Variants in FRMD5 observed in about 807,000 individuals in gnomAD.
FRMD5 encodes the protein FERM domain containing 5.
A neutral mutation model predicts 69.0 loss-of-function variants in FRMD5; 20 were observed. The ratio of observed to expected loss-of-function variants is 0.29; its 90% CI spans 0.20 to 0.42. The LOEUF (loss-of-function observed/expected upper bound fraction) is 0.42, where lower values mean the gene tolerates loss of function less well. Ranked by LOEUF, FRMD5 falls within the 10% of genes least tolerant of loss-of-function variation. The pLI is 1.00. For missense variants in FRMD5, 595 were observed against 708.6 expected, an observed-to-expected ratio of 0.84 and a Z score of 1.82; for synonymous variants, 271 against 260.1, an observed-to-expected ratio of 1.04 and a Z score of -0.40.
chr15:43,912,979 G>A (rs988438140), intron 4 of FRMD5, among the ~76,000 whole-genome samples: 6 of 149,376 alleles, frequency 4.0e-5, no homozygotes, highest in African/African-American at 1.2e-4. Flanking sequence ...GTGGCAGTGC[G>A]CCAAGATCGT....
rs1032778072 is a variant in FRMD5, at chr15:43,873,100, G to T, written c.*785C>A. ...AGGTTCTTCGGAAAAAAAAAATCACGTTAAGTCTAGTTTCATTATACAAAA... is the reference window on the plus strand; with the variant it reads ...AGGTTCTTCGGAAAAAAAAAATCACTTTAAGTCTAGTTTCATTATACAAAA... On this transcript the variant is annotated 3_prime_UTR_variant, in exon 14 of 14. Coordinates refer to ENST00000417257, the MANE Select transcript of FRMD5 (RefSeq NM_032892.5). 2.9e-6 allele frequency: 4 copies of T among 1,375,638 alleles called. No homozygotes were observed. The African/African-American group carries it at 4.4e-5, about 15-fold the overall frequency. 85.2% of individuals were successfully genotyped at this position (1,375,638 alleles called of 1,614,324 possible).
intron 1 of FRMD5, 70 bp downstream of exon 1, chr15:44,194,883 G>T: frequency 7.4e-7 from 1 of 1,360,426 alleles, no homozygotes; most frequent in South Asian, 1.3e-5. Context: ...GGCGGCCGCC[G>T]CCGGCCAAGT....
intron 1 of FRMD5, among the ~76,000 whole-genome samples, chr15:43,936,071 A>G (rs1308994346): frequency 6.6e-6 from 1 of 152,190 alleles, no homozygotes; most frequent in Non-Finnish European, 1.5e-5. Context: ...TAACCTTCCC[A>G]TGTTTAATTC....
At chr15:43,973,898 T>C (rs1018527959) in intron 1 of FRMD5, among the ~76,000 whole-genome samples, 2 of 151,212 alleles carry the variant, frequency 1.3e-5, no homozygotes, top group African/African-American at 4.9e-5. Context: ...CTCAATCTTC[T>C]ACTTGTACAG....
At chr15:43,931,018 A>T (rs1413140843) in intron 1 of FRMD5, among the ~76,000 whole-genome samples, 1 of 152,210 alleles carries the variant, frequency 6.6e-6, no homozygotes, top group Non-Finnish European at 1.5e-5. Context: ...TCTTATTGAG[A>T]TATCAGTGGT....
intron 1 of FRMD5, among the ~76,000 whole-genome samples, chr15:44,107,391 C>T (rs561395437): frequency 4.2e-4 from 64 of 152,282 alleles, no homozygotes; most frequent in Middle Eastern, 3.4e-3. Flanking sequence ...AAAGTCTGAA[C>T]GAAACCTTAA....
chr15:44,017,120 C>G (rs548721773), intron 1 of FRMD5, among the ~76,000 whole-genome samples: 2 of 151,852 alleles, frequency 1.3e-5, no homozygotes, highest in Non-Finnish European at 2.9e-5. Flanking sequence ...AGGCAGATCA[C>G]GAGGTCAGGA....
At chr15:44,063,673 A>G in intron 1 of FRMD5, 1 of 410,550 alleles carries the variant, frequency 2.4e-6, no homozygotes, top group Non-Finnish European at 4.7e-6. Context: ...CACCCATAGC[A>G]AGTTCCACAG....
intron 1 of FRMD5, among the ~76,000 whole-genome samples, chr15:44,098,550 G>C (rs1156784011): frequency 6.6e-6 from 1 of 150,600 alleles, no homozygotes; most frequent in African/African-American, 2.4e-5. Flanking sequence ...GAGAGAGAGA[G>C]ACATAAGCAG....
At chr15:44,058,080 A>T (rs1282245212) in intron 1 of FRMD5, among the ~76,000 whole-genome samples, 2 of 152,222 alleles carry the variant, frequency 1.3e-5, no homozygotes, top group African/African-American at 2.4e-5. Context: ...GTGTAACAGT[A>T]TATTCTGCAA....
chr15:43,953,842 G>A (rs2090074819), intron 1 of FRMD5, among the ~76,000 whole-genome samples: 1 of 152,222 alleles, frequency 6.6e-6, no homozygotes, highest in Non-Finnish European at 1.5e-5. Flanking sequence ...GCTATGATGT[G>A]ACTTTACAGC....
At chr15:44,027,020 G>C (rs1341976603) in intron 1 of FRMD5, among the ~76,000 whole-genome samples, 3 of 152,168 alleles carry the variant, frequency 2.0e-5, no homozygotes, top group Non-Finnish European at 2.9e-5. Context: ...AGAATCTGTG[G>C]TGTTTGTTGG....
chr15:44,046,734 T>C (rs1892444772), intron 1 of FRMD5, among the ~76,000 whole-genome samples: 1 of 152,242 alleles, frequency 6.6e-6, no homozygotes, highest in African/African-American at 2.4e-5. Flanking sequence ...TTTTACATTT[T>C]AGTGTTTGCA....
chr15:44,194,887 G>C (rs1169885024), intron 1 of FRMD5, 66 bp downstream of exon 1: 2 of 1,376,560 alleles, frequency 1.5e-6, no homozygotes, highest in African/African-American at 2.9e-5. Context: ...GCCGCCGCCG[G>C]CCAAGTTGAC....
chr15:44,103,336 T>C (rs1439047221), intron 1 of FRMD5, among the ~76,000 whole-genome samples: 1 of 152,210 alleles, frequency 6.6e-6, no homozygotes, highest in Admixed American at 6.5e-5. Context: ...AGAGGATTTT[T>C]ACCTTCAAAG....
At chr15:43,878,817 C>T (rs945714729) in intron 13 of FRMD5, among the ~76,000 whole-genome samples, 3 of 151,638 alleles carry the variant, frequency 2.0e-5, no homozygotes, top group African/African-American at 7.3e-5. Flanking sequence ...GATGCTGTGA[C>T]ATCAGAAGAG....
chr15:44,002,943 C>T (rs911849403), intron 1 of FRMD5, among the ~76,000 whole-genome samples: 2 of 152,104 alleles, frequency 1.3e-5, no homozygotes, highest in Non-Finnish European at 2.9e-5. Flanking sequence ...CTCCTATTAT[C>T]CTCACTTTAC....
chr15:43,917,466 C>T (rs1182562412), intron 4 of FRMD5, among the ~76,000 whole-genome samples: 1 of 152,202 alleles, frequency 6.6e-6, no homozygotes, highest in East Asian at 1.9e-4. Flanking sequence ...TCTTGGCTTA[C>T]TGCAACCTCC....
intron 1 of FRMD5, among the ~76,000 whole-genome samples, chr15:44,095,331 T>A (rs1420883811): frequency 2.6e-5 from 4 of 151,824 alleles, no homozygotes; most frequent in Non-Finnish European, 4.4e-5. Flanking sequence ...GTTTCCCGAG[T>A]AGCTGGGACC....
Sources: gnomAD v4.1 joint callset for allele counts (sites outside exome capture counted in the v4.1 genomes callset) on GRCh38, gnomAD v4.1.1 for gene constraint, MANE v1.5 for transcripts, NCBI Gene and HGNC (gene_info 2026-07-23, HGNC 2026-07-21) for gene names.